CCDC91: variants seen among roughly 807,000 people sequenced by gnomAD.
The protein encoded by CCDC91 is coiled-coil domain-containing protein 91.
Under a neutral mutation model 63.2 loss-of-function variants are expected in CCDC91, and 48 were observed. The observed-to-expected ratio is 0.76, with a 90% CI of 0.60 to 0.97. The LOEUF (loss-of-function observed/expected upper bound fraction) is 0.97. Ranked by LOEUF, CCDC91 falls within the 50% of genes least tolerant of loss-of-function variation. The probability of loss-of-function intolerance (pLI) is 0.00; values close to 1 mark genes in which losing one functional copy is unlikely to be tolerated. For missense variants in CCDC91, 500 were observed against 494.6 expected, an observed-to-expected ratio of 1.01 and a Z score of -0.10; for synonymous variants, 167 against 165.8, an observed-to-expected ratio of 1.01 and a Z score of -0.06.
intron 8 of CCDC91, among the ~76,000 whole-genome samples, chr12:28,443,029 G>C (rs933647091): frequency 6.6e-6 from 1 of 151,824 alleles, no homozygotes; most frequent in Non-Finnish European, 1.5e-5. Flanking sequence ...ATGTTATGAC[G>C]GCTCACAGCT....
At chr12:28,392,646 A>T (rs1041830994) in intron 8 of CCDC91, among the ~76,000 whole-genome samples, 9 of 152,226 alleles carry the variant, frequency 5.9e-5, no homozygotes, top group African/African-American at 1.9e-4. Context: ...AATAGCACAA[A>T]TATACCACAT....
intron 3 of CCDC91, chr12:28,304,803 TA>T (rs1938532351): frequency 2.7e-6 from 1 of 374,836 alleles, no homozygotes; most frequent in African/African-American, 2.1e-5. Flanking sequence ...AATACAAACT[TA>T]TTTGAATTTT....
chr12:28,276,868 A>G (rs866191788), intron 3 of CCDC91, among the ~76,000 whole-genome samples: 3 of 151,936 alleles, frequency 2.0e-5, no homozygotes, highest in Non-Finnish European at 4.4e-5. Flanking sequence ...AATTATATGT[A>G]TATTTTTAAA....
At chr12:28,213,050 T>A (rs954797392) in intron 1 of CCDC91, among the ~76,000 whole-genome samples, 1 of 152,204 alleles carries the variant, frequency 6.6e-6, no homozygotes, top group Non-Finnish European at 1.5e-5. Context: ...AAGACCCTGA[T>A]GAAGCTGGGG....
chr12:28,392,429 T>C (rs1161468076), intron 8 of CCDC91, among the ~76,000 whole-genome samples: 6 of 152,132 alleles, frequency 3.9e-5, no homozygotes, highest in Non-Finnish European at 2.9e-5. Flanking sequence ...TCTACTGATA[T>C]TGTAATTGCG....
At chr12:28,403,068 C>CT (rs1302750690) in intron 8 of CCDC91, among the ~76,000 whole-genome samples, 3 of 152,100 alleles carry the variant, frequency 2.0e-5, no homozygotes, top group African/African-American at 7.2e-5. Context: ...TTTTTGGTGT[C>CT]TCACAAAATG....
intron 1 of CCDC91, among the ~76,000 whole-genome samples, chr12:28,202,634 TAGAC>T (rs1311265084): frequency 6.6e-6 from 1 of 152,226 alleles, no homozygotes; most frequent in Non-Finnish European, 1.5e-5. Flanking sequence ...CTTCAATGCT[TAGAC>T]AGGCAGTTTA....
chr12:28,453,729 T>C (rs1456543729), intron 11 of CCDC91, among the ~76,000 whole-genome samples: 1 of 152,064 alleles, frequency 6.6e-6, no homozygotes, highest in East Asian at 1.9e-4. Flanking sequence ...TGAGTACCTA[T>C]TGCATATAAA....
At chr12:28,543,654 A>G (rs188086954) in intron 12 of CCDC91, among the ~76,000 whole-genome samples, 10 of 151,954 alleles carry the variant, frequency 6.6e-5, no homozygotes, top group Non-Finnish European at 1.5e-4. Context: ...TGCCTTCTAT[A>G]TGGAGATGAC....
At chr12:28,270,797 T>C (rs1312371894) in intron 3 of CCDC91, among the ~76,000 whole-genome samples, 1 of 152,106 alleles carries the variant, frequency 6.6e-6, no homozygotes, top group East Asian at 1.9e-4. Flanking sequence ...TAGATTCTCA[T>C]TGGTTATGAT....
intron 8 of CCDC91, among the ~76,000 whole-genome samples, chr12:28,404,328 T>C (rs1230537497): frequency 6.6e-6 from 1 of 152,114 alleles, no homozygotes; most frequent in Non-Finnish European, 1.5e-5. Context: ...ATTGATTTTC[T>C]AGTTTAATTC....
chr12:28,194,197 C>G (rs928849574), intron 1 of CCDC91, among the ~76,000 whole-genome samples: 1 of 152,072 alleles, frequency 6.6e-6, no homozygotes, highest in African/African-American at 2.4e-5. Context: ...GGTCTGTGAC[C>G]AATTTCGAGT....
intron 7 of CCDC91, among the ~76,000 whole-genome samples, chr12:28,387,670 T>G (rs1216223003): frequency 6.6e-6 from 1 of 152,222 alleles, no homozygotes; most frequent in Non-Finnish European, 1.5e-5. Context: ...TTTCTTCACT[T>G]AGAACAATAG....
intron 12 of CCDC91, among the ~76,000 whole-genome samples, chr12:28,547,388 C>G (rs192532992): frequency 6.6e-6 from 1 of 152,164 alleles, no homozygotes; most frequent in East Asian, 1.9e-4. Flanking sequence ...GTACATCTGT[C>G]ATTTTCCAGT....
intron 3 of CCDC91, chr12:28,304,593 A>C: frequency 1.1e-6 from 1 of 909,000 alleles, no homozygotes; most frequent in Non-Finnish European, 1.5e-6. Flanking sequence ...TATTTTGTTT[A>C]TATCTAATGG....
intron 3 of CCDC91, among the ~76,000 whole-genome samples, chr12:28,300,294 T>G (rs12815023): frequency 0.018 from 2,655 of 151,590 alleles, 46 homozygotes; most frequent in Non-Finnish European, 0.024. Context: ...TCCAAACAAC[T>G]AATCAATTGT....
rs1337746348 is a variant in CCDC91, at chr12:28,362,531, T to G, written c.654+16T>G. 6.6e-7 allele frequency: 1 copy of G among 1,525,882 alleles called. No individual in the cohort carries two copies. The highest frequency in any genetic ancestry group is 8.9e-7 in the Non-Finnish European group (1 of 1,129,122). The allele number at this position is 1,525,882 out of a possible 1,614,324, so 94.5% of individuals were successfully genotyped here. A position where few individuals can be genotyped will look rare whatever the true frequency, so the allele number is the denominator to read the frequency against. ...TGAATATAAGGTAGAGGTTTGAGAG[T>G]GTTTACTTTTTTAAACCTTGGATAA... On this transcript the variant is annotated intron_variant, in intron 7 of 12. Transcript: ENST00000536442.
intron 7 of CCDC91, among the ~76,000 whole-genome samples, chr12:28,366,623 G>A (rs531958064): frequency 6.6e-4 from 101 of 152,252 alleles, no homozygotes; most frequent in African/African-American, 2.2e-3. Context: ...CCCTTCCTAC[G>A]AGTGTCGGGA....
chr12:28,426,964 T>C (rs1032504838), intron 8 of CCDC91, among the ~76,000 whole-genome samples: 5 of 152,178 alleles, frequency 3.3e-5, no homozygotes, highest in Non-Finnish European at 7.4e-5. Context: ...ATATTTTCTC[T>C]TGCTGTAAGT....
Sources: allele counts gnomAD v4.1 joint callset (sites outside exome capture counted in the v4.1 genomes callset), GRCh38; gene constraint gnomAD v4.1.1; transcripts MANE v1.5; gene names NCBI Gene and HGNC (gene_info 2026-07-23, HGNC 2026-07-21).